The following SLC5A10 variants were observed in gnomAD, a reference collection of about 807,000 sequenced individuals.
SLC5A10 encodes the protein sodium/mannose cotransporter SLC5A10.
In SLC5A10, 55 loss-of-function variants were observed where a neutral mutation model predicts 68.9. The ratio of observed to expected loss-of-function variants is 0.80; its 90% CI spans 0.64 to 1.00. The LOEUF is 1.00. Ranked by LOEUF, SLC5A10 falls within the 50% of genes least tolerant of loss-of-function variation. The pLI, the probability that SLC5A10 is intolerant of heterozygous loss-of-function variation, is 0.00. For synonymous variants in SLC5A10, 344 were observed against 344.8 expected (o/e 1.00, Z 0.02); for missense variants, 732 against 819.3 (o/e 0.89, Z 1.30).
At chr17:19,014,416 C>T (rs547419346) in intron 10 of SLC5A10, among the ~76,000 whole-genome samples, 7 of 152,296 alleles carry the variant, frequency 4.6e-5, no homozygotes, top group African/African-American at 1.7e-4. Flanking sequence ...CTCTGGAAAA[C>T]CACAGAGCCA....
At chr17:18,957,141 C>T (rs1169299252) in intron 1 of SLC5A10, among the ~76,000 whole-genome samples, 1 of 152,116 alleles carries the variant, frequency 6.6e-6, no homozygotes, top group African/African-American at 2.4e-5. Context: ...GAGTGAGATT[C>T]TGTCTCAAAA....
In SLC5A10 at chr17:19,000,008, G is replaced by A. The variant is rs2152140351; in HGVS notation, c.983-13402G>A. Among the ~76,000 whole-genome samples the A allele has an allele frequency of 6.6e-6, 1 of 152,382 alleles. No individual in the cohort carries two copies. The highest frequency in any genetic ancestry group is 2.4e-5 in the African/African-American group (1 of 41,600). ...AGAACATCTACATCCAGCTCTGGCT[G>A]AGGAAGCCCCAACCCAGCCCAGCCT... On this transcript the variant is annotated intron_variant, in intron 9 of 14. Transcript: ENST00000395645. This position sits in a 1 kb window ranked among gnomAD's most constrained non-coding sequence, Gnocchi z 5.2.
In SLC5A10 at chr17:18,957,492, C is replaced by T. The variant is rs150741314; in HGVS notation, c.112-1190C>T. On this transcript the variant is annotated intron_variant, in intron 1 of 14. Transcript: ENST00000395645. ...TTTATTTTATTTATTTATTTTGAGA[C>T]GGAGCCTTGCTCTGTCACCAGGCTG... Among the ~76,000 whole-genome samples, 47 of 152,172 alleles carry T rather than the reference C, an allele frequency of 3.1e-4. 1 individual carries two copies. The East Asian group carries it at 8.5e-3, about 28-fold the overall frequency.
Position 18,959,201 on chromosome 17 carries a change from G to T in SLC5A10, c.250G>T (p.Ala84Ser). The T allele has an allele frequency of 6.2e-7, 1 of 1,613,310 alleles. No individual in the cohort carries two copies. The highest frequency in any genetic ancestry group is 8.5e-7 in the Non-Finnish European group (1 of 1,179,956). Residue 84 changes from alanine (A) to serine (S), a missense_variant, in exon 3 of 15, where the codon GCG (alanine) becomes TCG (serine). Ala to Ser is a moderately conservative substitution (Grantham distance 99). Transcript: ENST00000395645. Reference sequence around the variant, plus strand: ...CTTCATTGGACTGGCGGGCTCAGGCGCGGCAGGAGGTCTGGCCGTGGCAGG... The same window carrying T: ...CTTCATTGGACTGGCGGGCTCAGGCTCGGCAGGAGGTCTGGCCGTGGCAGG... ...GLFIGLAGSG[A>S]AGGLAVAGFE...
chr17:18,975,551 G>A (rs2042954549), intron 8 of SLC5A10, among the ~76,000 whole-genome samples: 1 of 152,084 alleles, frequency 6.6e-6, no homozygotes, highest in Non-Finnish European at 1.5e-5. Context: ...AAAATTAGCC[G>A]GGCGTGGTGG....
chr17:18,997,949 C>G (rs905671607), intron 9 of SLC5A10, among the ~76,000 whole-genome samples: 2 of 152,206 alleles, frequency 1.3e-5, no homozygotes, highest in Non-Finnish European at 2.9e-5. Context: ...TACCATGACA[C>G]TGAGGAGGAA....
In SLC5A10 at chr17:18,958,692, G is replaced by A. The variant is rs368827410; in HGVS notation, c.122G>A (p.Arg41Gln). ...NVAVGIWSSC[R>Q]ASRNTVNGYF... ...TTTCTCCTCTTGCAGTCCTCTTGTC[G>A]GGCCAGTAGGAACACGGTGAATGGC... Residue 41 changes from arginine to glutamine, a missense_variant, in exon 2 of 15, where the codon CGG becomes CAG. Transcript: ENST00000395645. 2.7e-5 allele frequency: 44 copies of A among 1,614,114 alleles called. No individual in the cohort carries two copies. Among genetic ancestry groups the A allele is most frequent in the Non-Finnish European group, 3.4e-5 (40 of 1,180,014 alleles).
At position 18,965,066 on chromosome 17, in the gene SLC5A10, C is replaced by T. The variant is rs571844006; in HGVS notation, c.454-3986C>T. 9.9e-4 allele frequency among the ~76,000 whole-genome samples: 143 copies of T among 144,324 alleles called. 1 individual carries two copies. The highest frequency in any genetic ancestry group is 2.1e-3 in the South Asian group (10 of 4,656). 94.7% of individuals were successfully genotyped at this position (144,324 alleles called of 152,430 possible). A position where few individuals can be genotyped will look rare whatever the true frequency, so the allele number is the denominator to read the frequency against. Reference sequence around the variant, plus strand: ...GGCTGAGGCAGGAAAATCGCTTGAACCCAGGAGGCAGAGGTTTTTTTAAAA... The same window carrying T: ...GGCTGAGGCAGGAAAATCGCTTGAATCCAGGAGGCAGAGGTTTTTTTAAAA... On this transcript the variant is annotated intron_variant, in intron 5 of 14. Transcript: ENST00000395645.
At chr17:18,956,691 G>C (rs907597156) in intron 1 of SLC5A10, among the ~76,000 whole-genome samples, 2 of 151,998 alleles carry the variant, frequency 1.3e-5, no homozygotes, top group South Asian at 4.2e-4. Flanking sequence ...TGCCCAGGCT[G>C]GTCTTGAATC....
At position 19,015,151 on chromosome 17, in the gene SLC5A10, G is replaced by A; in HGVS notation, c.1193G>A (p.Arg398Lys). 1.3e-6 allele frequency: 2 copies of A among 1,597,084 alleles called. No homozygotes were observed. Among genetic ancestry groups the A allele is most frequent in the Non-Finnish European group, 1.7e-6 (2 of 1,168,868 alleles). Residue 398 changes from arginine to lysine, a missense_variant, in exon 11 of 15, where the codon AGG becomes AAG. By Grantham distance (26) the Arg-to-Lys change is conservative (BLOSUM62 2). Coordinates refer to ENST00000395645, the MANE Select transcript of SLC5A10 (RefSeq NM_001042450.4). ...SSTLFTMDIWRRLRPRSGERE... is the reference protein window; with the variant it reads ...SSTLFTMDIWKRLRPRSGERE... ...ACCCTCTTCACTATGGACATCTGGA[G>A]GCGGCTGCGTCCCCGCTCCGGCGAG...
At chr17:18,984,332 CAAAAAAA>C (rs1176935676) in intron 9 of SLC5A10, among the ~76,000 whole-genome samples, 1 of 68,002 alleles carries the variant, frequency 1.5e-5, no homozygotes, top group South Asian at 4.9e-4. Flanking sequence ...GACTCCCTCT[CAAAAAAA>C]AAAAAAAAAA....
intron 9 of SLC5A10, among the ~76,000 whole-genome samples, chr17:18,979,937 C>T (rs2043086587): frequency 1.3e-5 from 2 of 152,150 alleles, no homozygotes; most frequent in East Asian, 3.9e-4. Context: ...GGCTTTGGCC[C>T]TAAAGGTGTC....
Position 19,020,626 on chromosome 17 carries a change from AT to A in SLC5A10, c.*198del, listed in dbSNP as rs1376919283. The A allele has an allele frequency of 1.7e-6, 1 of 590,336 alleles. No homozygotes were observed. The highest frequency in any genetic ancestry group is 3.0e-6 in the Non-Finnish European group (1 of 331,310). The allele number at this position is 590,336 out of a possible 1,614,324, so 36.6% of individuals were successfully genotyped here. A position where few individuals can be genotyped will look rare whatever the true frequency, so the allele number is the denominator to read the frequency against. Reference sequence around the variant, plus strand: ...GGGAAATGGGAGAAAATAATGTGACATTTCAAAAACAGCACCAAAGCAGTCA... The same window carrying A: ...GGGAAATGGGAGAAAATAATGTGACATTCAAAAACAGCACCAAAGCAGTCA... On this transcript the variant is annotated 3_prime_UTR_variant, in exon 15 of 15. Coordinates refer to ENST00000395645, the MANE Select transcript of SLC5A10 (RefSeq NM_001042450.4).
rs768817506 is a variant in SLC5A10, at chr17:19,015,174, G to A, written c.1216G>A (p.Glu406Lys). ...IWRRLRPRSG[E>K]RELLLVGRLV... ...GAGGCGGCTGCGTCCCCGCTCCGGC[G>A]AGCGGGAGCTCCTGCTGGTGGGACG... The change falls in exon 11 of 15, where the codon GAG (glutamate) becomes AAG (lysine). Residue 406 changes from glutamate (E) to lysine (K), a missense_variant. Coordinates refer to ENST00000395645, the MANE Select transcript of SLC5A10 (RefSeq NM_001042450.4). 1.2e-5 allele frequency: 20 copies of A among 1,612,168 alleles called. No homozygotes were observed. In the African/African-American group the frequency reaches 2.3e-4, roughly 18 times the overall value.
intron 9 of SLC5A10, chr17:18,986,312 G>A (rs1035429990): frequency 1.3e-5 from 2 of 152,246 alleles, no homozygotes; most frequent in Non-Finnish European, 2.9e-5. Context: ...ATTAATATAA[G>A]GGATCAAGTT....
At chr17:19,006,021 C>G (rs1190472891) in intron 9 of SLC5A10, among the ~76,000 whole-genome samples, 2 of 152,192 alleles carry the variant, frequency 1.3e-5, no homozygotes, top group African/African-American at 4.8e-5. Flanking sequence ...TGTGTTCTTA[C>G]CAATGCACAG....
At chr17:19,012,776 C>T (rs1227210609) in intron 9 of SLC5A10, among the ~76,000 whole-genome samples, 1 of 152,200 alleles carries the variant, frequency 6.6e-6, no homozygotes, top group African/African-American at 2.4e-5. Flanking sequence ...AGGAAATAGC[C>T]TGGCGTAAAG....
Position 19,020,550 on chromosome 17 carries a change from G to T in SLC5A10, c.*119G>T, listed in dbSNP as rs2044247543. ...CCCCTCACAGCTGCACAGCAGCTCG[G>T]TGCCCAAGAACTGGCCAAGCCAGCA... On this transcript the variant is annotated 3_prime_UTR_variant, in exon 15 of 15. Transcript: ENST00000395645. 1 of 959,538 alleles carries T rather than the reference G, an allele frequency of 1.0e-6. No homozygotes were observed. The highest frequency in any genetic ancestry group is 1.5e-6 in the Non-Finnish European group (1 of 648,872). The allele number at this position is 959,538 out of a possible 1,614,324, so 59.4% of individuals were successfully genotyped here.
At chr17:19,006,285 T>C (rs1335515944) in intron 9 of SLC5A10, among the ~76,000 whole-genome samples, 1 of 152,196 alleles carries the variant, frequency 6.6e-6, no homozygotes, top group Non-Finnish European at 1.5e-5. Flanking sequence ...TGGAGTGCAG[T>C]GGTATGTACA....
Sources: gnomAD v4.1 joint callset for allele counts (sites outside exome capture counted in the v4.1 genomes callset) on GRCh38, gnomAD v4.1.1 for gene constraint, Gnocchi (gnomAD v3.1) non-coding constraint, MANE v1.5 for transcripts, NCBI Gene and HGNC (gene_info 2026-07-23, HGNC 2026-07-21) for gene names.